Variants in DCC observed in about 807,000 individuals in gnomAD.
DCC encodes the protein netrin receptor DCC.
DCC carries 58 observed loss-of-function variants against 172.5 expected under a neutral mutation model. The ratio of observed to expected loss-of-function variants is 0.34; its 90% CI spans 0.27 to 0.42. DCC has a LOEUF of 0.42. Among genes scored for constraint, DCC ranks in the 10% least tolerant of loss-of-function variants. The pLI is 1.00. For missense variants in DCC, 1,740 were observed against 1,791.0 expected, an observed-to-expected ratio of 0.97 and a Z score of 0.51; for synonymous variants, 709 against 644.5, an observed-to-expected ratio of 1.10 and a Z score of -1.52.
chr18:53,391,960 C>T, intron 17 of DCC, 73 bp downstream of exon 17: 1 of 887,608 alleles, frequency 1.1e-6, no homozygotes, highest in Non-Finnish European at 1.9e-6. Flanking sequence ...TAAACCTCTC[C>T]TGGACTGTCA....
At chr18:52,453,968 A>G (rs2144522465) in intron 1 of DCC, among the ~76,000 whole-genome samples, 1 of 152,310 alleles carries the variant, frequency 6.6e-6, no homozygotes, top group African/African-American at 2.4e-5. Flanking sequence ...TTCAGTTGTC[A>G]CTGAATCACA....
At chr18:52,850,103 G>A (rs1465694605) in intron 2 of DCC, among the ~76,000 whole-genome samples, 2 of 152,074 alleles carry the variant, frequency 1.3e-5, no homozygotes, top group Non-Finnish European at 2.9e-5. Context: ...ACCATCCCGA[G>A]GCTGTTAAGC....
At chr18:53,217,606 A>T (rs1403245822) in intron 12 of DCC, among the ~76,000 whole-genome samples, 1 of 152,126 alleles carries the variant, frequency 6.6e-6, no homozygotes, top group African/African-American at 2.4e-5. Context: ...AGAGAAAAGA[A>T]ACTGGATGAT....
chr18:52,702,162 G>A (rs937761235), intron 1 of DCC, among the ~76,000 whole-genome samples: 7 of 152,034 alleles, frequency 4.6e-5, no homozygotes, highest in African/African-American at 7.2e-5. Flanking sequence ...TTCTTTCTGC[G>A]AAACTGGATT....
At chr18:52,651,573 C>G (rs1252817446) in intron 1 of DCC, among the ~76,000 whole-genome samples, 2 of 149,000 alleles carry the variant, frequency 1.3e-5, no homozygotes, top group Non-Finnish European at 3.0e-5. Flanking sequence ...TGTTTGAAGT[C>G]TACTCCTTTT....
chr18:52,980,494 G>A (rs757990105), intron 5 of DCC, among the ~76,000 whole-genome samples: 15 of 151,808 alleles, frequency 9.9e-5, no homozygotes, highest in African/African-American at 2.2e-4. Flanking sequence ...TTGTTGGCTC[G>A]TTTCAAGGGA....
At chr18:52,441,024 G>A (rs898713100) in intron 1 of DCC, among the ~76,000 whole-genome samples, 1 of 152,206 alleles carries the variant, frequency 6.6e-6, no homozygotes, top group African/African-American at 2.4e-5. Flanking sequence ...GGACTTAATG[G>A]CAAATCTGTG....
intron 11 of DCC, among the ~76,000 whole-genome samples, chr18:53,212,567 G>C (rs545353832): frequency 9.9e-5 from 15 of 152,042 alleles, no homozygotes; most frequent in Non-Finnish European, 1.9e-4. Flanking sequence ...TGGAAAGTTA[G>C]AGAAGAAATG....
chr18:52,794,915 G>A (rs1022062584), intron 2 of DCC, among the ~76,000 whole-genome samples: 6 of 151,940 alleles, frequency 3.9e-5, no homozygotes, highest in African/African-American at 1.2e-4. Flanking sequence ...TTCTATTGAT[G>A]TGGTGTATCT....
chr18:53,206,335 A>C (rs140347577), intron 10 of DCC, among the ~76,000 whole-genome samples: 10 of 52,248 alleles, frequency 1.9e-4, no homozygotes, highest in African/African-American at 6.7e-4. Context: ...TGTAACACAT[A>C]TATGTATATA....
chr18:52,883,262 T>C (rs1393294854), intron 2 of DCC, among the ~76,000 whole-genome samples: 1 of 152,064 alleles, frequency 6.6e-6, no homozygotes, highest in African/African-American at 2.4e-5. Flanking sequence ...AATGTTATGA[T>C]TGATAAGTAA....
intron 22 of DCC, among the ~76,000 whole-genome samples, chr18:53,445,188 C>T (rs961126747): frequency 1.2e-4 from 19 of 152,236 alleles, no homozygotes; most frequent in African/African-American, 4.6e-4. Flanking sequence ...ATTACAGCAT[C>T]TTATTTCAGG....
At chr18:52,355,682 T>A (rs1484295697) in intron 1 of DCC, among the ~76,000 whole-genome samples, 1 of 152,176 alleles carries the variant, frequency 6.6e-6, no homozygotes, top group Non-Finnish European at 1.5e-5. Flanking sequence ...GCCTCTGTTG[T>A]TTTAGTTAAC....
rs1390065230 is a variant in DCC, at chr18:52,927,287, A to G, written c.985+1917A>G. ...CACATATATACTTATATGTGTGTAT[A>G]TATGTATTGGCATACTCATACTGGC... is the stretch of plus-strand genomic sequence containing the variant. On this transcript the variant is annotated intron_variant, in intron 5 of 28. Transcript: ENST00000442544. Among the ~76,000 whole-genome samples, 3 of 150,618 alleles carry G rather than the reference A, an allele frequency of 2.0e-5. No homozygotes were observed. The East Asian group carries it at 5.9e-4, about 30-fold the overall frequency.
At position 52,851,642 on chromosome 18, in the gene DCC, T is replaced by A. The variant is rs567325790; in HGVS notation, c.413-54402T>A. Among the ~76,000 whole-genome samples the A allele has an allele frequency of 2.6e-5, 4 of 152,230 alleles. No homozygotes were observed. In the South Asian group the frequency reaches 6.2e-4, roughly 24 times the overall value. ...CTTCTTTTCCAAACAAATAGCAAAT[T>A]GAGTTTAAGAAGGAGCCTGAAATGA... On this transcript the variant is annotated intron_variant, in intron 2 of 28. Transcript: ENST00000442544.
At chr18:52,488,412 C>A (rs147299841) in intron 1 of DCC, among the ~76,000 whole-genome samples, 1 of 151,962 alleles carries the variant, frequency 6.6e-6, no homozygotes, top group East Asian at 1.9e-4. Flanking sequence ...CTTGTGTATA[C>A]CATTAGGATA....
chr18:53,266,827 G>T (rs747651200), intron 12 of DCC, among the ~76,000 whole-genome samples: 1 of 150,404 alleles, frequency 6.6e-6, no homozygotes, highest in African/African-American at 2.5e-5. Context: ...ATGTTTTAAG[G>T]TTCATCCATT....
chr18:52,629,219 T>C (rs1470201197), intron 1 of DCC, among the ~76,000 whole-genome samples: 1 of 152,224 alleles, frequency 6.6e-6, no homozygotes, highest in East Asian at 1.9e-4. Flanking sequence ...TTTTATTTTC[T>C]TCTGGCTCTT....
intron 21 of DCC, among the ~76,000 whole-genome samples, chr18:53,417,515 G>A (rs1599126456): frequency 6.6e-6 from 1 of 152,192 alleles, no homozygotes; most frequent in East Asian, 1.9e-4. Context: ...TTAAATATTA[G>A]TCTTGGTCAA....
Sources: allele counts gnomAD v4.1 joint callset (sites outside exome capture counted in the v4.1 genomes callset), GRCh38; gene constraint gnomAD v4.1.1; transcripts MANE v1.5; gene names NCBI Gene and HGNC (gene_info 2026-07-23, HGNC 2026-07-21).